The following HSDL2 variants were observed in gnomAD, a reference collection of about 807,000 sequenced individuals.
HSDL2 encodes hydroxysteroid dehydrogenase-like protein 2.
A neutral mutation model predicts 46.3 loss-of-function variants in HSDL2; 27 were observed. The observed-to-expected ratio is 0.58, with a 90% confidence interval of 0.43 to 0.80. HSDL2 has a LOEUF of 0.80. Among genes scored for constraint, HSDL2 ranks in the 30% least tolerant of loss-of-function variants. The pLI is 0.00. For synonymous variants in HSDL2, 153 were observed against 163.6 expected (o/e 0.94, Z 0.50); for missense variants, 451 against 502.7 (o/e 0.90, Z 0.98).
rs529593769 is a variant in HSDL2, at chr9:112,382,588, G to T, written c.17+2408G>T. ...TGAATGGAGATGCTAATGGCATCTC[G>T]TGAGTAGAGTACAGGGATGCTGGTG... On this transcript the variant is annotated intron_variant, in intron 1 of 10. Transcript: ENST00000398805. Among the ~76,000 whole-genome samples, 5 of 152,278 alleles carry T rather than the reference G, an allele frequency of 3.3e-5. No homozygotes were observed. In the South Asian group the frequency reaches 1.0e-3, roughly 32 times the overall value.
intron 1 of HSDL2, among the ~76,000 whole-genome samples, chr9:112,387,464 C>T (rs765615020): frequency 6.6e-6 from 1 of 152,124 alleles, no homozygotes; most frequent in Admixed American, 6.5e-5. Flanking sequence ...AAGCGTTCTG[C>T]CCACCTCTGC....
chr9:112,381,479 G>A (rs1831093993), intron 1 of HSDL2, among the ~76,000 whole-genome samples: 1 of 152,026 alleles, frequency 6.6e-6, no homozygotes, highest in African/African-American at 2.4e-5. Context: ...TCAGCCTCCC[G>A]AGTAGCTGGG....
intron 1 of HSDL2, among the ~76,000 whole-genome samples, chr9:112,399,689 A>G (rs1283744424): frequency 1.3e-5 from 2 of 152,192 alleles, no homozygotes; most frequent in African/African-American, 4.8e-5. Flanking sequence ...CTAGGAAAAG[A>G]ATTTAGCAAT....
chr9:112,408,458 T>A (rs1226619706), intron 3 of HSDL2, among the ~76,000 whole-genome samples: 1 of 152,210 alleles, frequency 6.6e-6, no homozygotes, highest in Non-Finnish European at 1.5e-5. Context: ...AGTCATATTA[T>A]CTAAAGGAAG....
chr9:112,448,227 TATA>T (rs1377615681), intron 8 of HSDL2, among the ~76,000 whole-genome samples: 2 of 152,232 alleles, frequency 1.3e-5, no homozygotes, highest in Non-Finnish European at 2.9e-5. Context: ...CTTGTCTGCA[TATA>T]ATAATGTCTT....
At chr9:112,406,234 A>G (rs1296120217) in intron 3 of HSDL2, among the ~76,000 whole-genome samples, 1 of 152,020 alleles carries the variant, frequency 6.6e-6, no homozygotes, top group African/African-American at 2.4e-5. Context: ...GAAGGGATGC[A>G]AGGGGGGTAG....
At chr9:112,462,814 A>G (rs1439819274) in intron 10 of HSDL2, among the ~76,000 whole-genome samples, 1 of 152,152 alleles carries the variant, frequency 6.6e-6, no homozygotes, top group Non-Finnish European at 1.5e-5. Context: ...CACACTAAAA[A>G]ATTCTCTCAT....
chr9:112,423,403 A>T (rs979569336), intron 6 of HSDL2, among the ~76,000 whole-genome samples: 4 of 152,074 alleles, frequency 2.6e-5, no homozygotes, highest in Non-Finnish European at 4.4e-5. Context: ...GAGCAGTGGC[A>T]TAATCTCGGC....
intron 3 of HSDL2, 53 bp downstream of exon 3, chr9:112,405,775 A>T: frequency 9.2e-7 from 1 of 1,090,818 alleles, no homozygotes. Context: ...TAAAGGTATA[A>T]CTATAATGTT....
intron 1 of HSDL2, among the ~76,000 whole-genome samples, chr9:112,400,814 T>C (rs926492629): frequency 6.6e-6 from 1 of 152,226 alleles, no homozygotes; most frequent in Non-Finnish European, 1.5e-5. Flanking sequence ...CCCTCCAGGC[T>C]CTCTGCCTTT....
chr9:112,382,362 T>C (rs1304814820), intron 1 of HSDL2, among the ~76,000 whole-genome samples: 1 of 152,246 alleles, frequency 6.6e-6, no homozygotes, highest in Non-Finnish European at 1.5e-5. Flanking sequence ...TGAGATCCTC[T>C]AATCCCACTT....
At chr9:112,459,159 TTA>T (rs976598170) in intron 9 of HSDL2, among the ~76,000 whole-genome samples, 24 of 152,184 alleles carry the variant, frequency 1.6e-4, no homozygotes, top group African/African-American at 5.3e-4. Context: ...CTTTCTGTCT[TTA>T]TGAGTTTTCT....
intron 10 of HSDL2, among the ~76,000 whole-genome samples, chr9:112,469,161 C>T (rs941679930): frequency 1.3e-5 from 2 of 152,114 alleles, no homozygotes; most frequent in African/African-American, 4.8e-5. Flanking sequence ...TTGATCCTTT[C>T]TACCTATAAT....
intron 5 of HSDL2, among the ~76,000 whole-genome samples, chr9:112,417,494 A>C (rs1450078143): frequency 1.3e-5 from 2 of 151,394 alleles, no homozygotes; most frequent in African/African-American, 2.4e-5. Context: ...AAAAAAAAAA[A>C]ACGACAAAAA....
At chr9:112,411,568 C>T (rs959915124) in intron 4 of HSDL2, among the ~76,000 whole-genome samples, 11 of 152,132 alleles carry the variant, frequency 7.2e-5, no homozygotes, top group East Asian at 3.9e-4. Flanking sequence ...TGGACTATTC[C>T]GGAGGCTGAG....
chr9:112,444,424 T>C (rs932044780), intron 8 of HSDL2, among the ~76,000 whole-genome samples: 1 of 29,486 alleles, frequency 3.4e-5, no homozygotes, highest in East Asian at 6.3e-4. Flanking sequence ...ATTGATGGGT[T>C]TTTTTTTTCT....
intron 1 of HSDL2, among the ~76,000 whole-genome samples, chr9:112,387,621 A>G (rs1403051566): frequency 6.6e-6 from 1 of 152,226 alleles, no homozygotes; most frequent in East Asian, 1.9e-4. Flanking sequence ...TGAAAATTCC[A>G]TAATAAAAAG....
At chr9:112,381,504 C>T (rs977821707) in intron 1 of HSDL2, among the ~76,000 whole-genome samples, 2 of 152,162 alleles carry the variant, frequency 1.3e-5, no homozygotes, top group East Asian at 3.9e-4. Context: ...CAGGCGCGTG[C>T]CACCACGCCC....
At position 112,438,626 on chromosome 9, in the gene HSDL2, G is replaced by T. The variant is rs1455686810; in HGVS notation, c.793+1G>T. 1 of 1,519,340 alleles carries T rather than the reference G, an allele frequency of 6.6e-7. No individual in the cohort carries two copies. The highest frequency in any genetic ancestry group is 1.2e-5 in the South Asian group (1 of 84,214). The allele number at this position is 1,519,340 out of a possible 1,614,324, so 94.1% of individuals were successfully genotyped here. On this transcript the variant is annotated splice_donor_variant, in intron 7 of 10. Transcript: ENST00000398805. LOFTEE classifies it high-confidence loss of function. ...TTTGACGTTTATGCAATTAAACCAG[G>T]TAATGCTTTTATAGTTTTTAAAAGT...
Sources: allele counts gnomAD v4.1 joint callset (sites outside exome capture counted in the v4.1 genomes callset), GRCh38; gene constraint gnomAD v4.1.1; transcripts MANE v1.5; gene names NCBI Gene and HGNC (gene_info 2026-07-23, HGNC 2026-07-21).